The following SORL1 variants were observed in gnomAD, a reference collection of about 807,000 sequenced individuals.
SORL1 encodes sortilin related receptor 1.
Under a neutral mutation model 273.7 loss-of-function variants are expected in SORL1, and 127 were observed. That is an observed-to-expected ratio of 0.46 (90% CI 0.40 to 0.54). The LOEUF (loss-of-function observed/expected upper bound fraction) is 0.54, where lower values mean the gene tolerates loss of function less well. Ranked by LOEUF, SORL1 falls within the 20% of genes least tolerant of loss-of-function variation. SORL1 has a pLI of 0.00. For synonymous variants in SORL1, 1,031 were observed against 1,067.4 expected, an observed-to-expected ratio of 0.97 and a Z score of 0.66; for missense variants, 2,494 against 2,846.1, an observed-to-expected ratio of 0.88 and a Z score of 2.81.
At chr11:121,579,825 A>G (rs902352845) in intron 25 of SORL1, among the ~76,000 whole-genome samples, 4 of 152,162 alleles carry the variant, frequency 2.6e-5, no homozygotes, top group African/African-American at 4.8e-5. Flanking sequence ...CCTCCCACCA[A>G]TGTACATCCT....
At position 121,604,244 on chromosome 11, in the gene SORL1, G is replaced by T; in HGVS notation, c.4571G>T (p.Gly1524Val). The part of the protein sequence containing the change: ...CMSREFQCED[G>V]EACIVLSERC... Reference sequence around the variant, plus strand: ...AGCAGGGAGTTCCAGTGCGAGGACGGGGAGGCCTGCATTGTGCTCTCGGAG... The same window carrying T: ...AGCAGGGAGTTCCAGTGCGAGGACGTGGAGGCCTGCATTGTGCTCTCGGAG... The change falls in exon 33 of 48, where the codon GGG (glycine) becomes GTG (valine). Residue 1524 changes from glycine to valine, a missense_variant. By Grantham distance (109) the Gly-to-Val change is moderately radical (BLOSUM62 -3). This residue lies in a region of SORL1 where 1,609 missense variants were observed against 1,816.4 expected (regional missense o/e 0.89). Coordinates refer to ENST00000260197, the MANE Select transcript of SORL1 (RefSeq NM_003105.6). 1 of 1,614,130 alleles carries T rather than the reference G, an allele frequency of 6.2e-7. No individual in the cohort carries two copies. Among genetic ancestry groups the T allele is most frequent in the Non-Finnish European group, 8.5e-7 (1 of 1,180,024 alleles).
rs748144336 is a variant in SORL1 at position 121,571,633 on chromosome 11, G to A, written c.3337+1363G>A. On this transcript the variant is annotated intron_variant, in intron 23 of 47. Transcript: ENST00000260197. Reference sequence around the variant, plus strand: ...TAGATACTCATTTAGCCAGTCATCCGTGGGGCCTGTGCCCGGCTCCCCTGC... The same window carrying A: ...TAGATACTCATTTAGCCAGTCATCCATGGGGCCTGTGCCCGGCTCCCCTGC... Among the ~76,000 whole-genome samples the A allele has an allele frequency of 2.3e-4, 35 of 152,224 alleles. 1 individual carries two copies. Among genetic ancestry groups the A allele is most frequent in the East Asian group, 2.1e-3 (11 of 5,204 alleles).
intron 21 of SORL1, 132 bp from the exon 22 acceptor site, chr11:121,566,808 C>A: frequency 2.4e-6 from 2 of 820,430 alleles, no homozygotes; most frequent in Non-Finnish European, 3.7e-6. Context: ...CCAAAGCTTG[C>A]CACTTGACCC....
At chr11:121,532,835 C>T (rs1288047742) in intron 12 of SORL1, among the ~76,000 whole-genome samples, 2 of 152,000 alleles carry the variant, frequency 1.3e-5, no homozygotes, top group Admixed American at 1.3e-4. Flanking sequence ...AGGCACCTGC[C>T]ACCACGTCCG....
Position 121,452,449 on chromosome 11 carries a change from G to A in SORL1, c.118G>A (p.Ala40Thr). 1 of 1,510,166 alleles carries A rather than the reference G, an allele frequency of 6.6e-7. No individual in the cohort carries two copies. The highest frequency in any genetic ancestry group is 8.8e-7 in the Non-Finnish European group (1 of 1,131,132). 93.5% of individuals were successfully genotyped at this position (1,510,166 alleles called of 1,614,324 possible). ...VWTQRLHGGS[A>T]PLPQDRGFLV... ...GACGCAGAGGCTGCACGGCGGCAGCGCGCCCTTGCCCCAGGACCGGGGCTT... is the reference window on the plus strand; with the variant it reads ...GACGCAGAGGCTGCACGGCGGCAGCACGCCCTTGCCCCAGGACCGGGGCTT... Residue 40 changes from alanine (A) to threonine (T), a missense_variant, in exon 1 of 48, where the codon GCG becomes ACG. By Grantham distance (58) the Ala-to-Thr change is moderately conservative (BLOSUM62 0). This residue lies in a region of SORL1 where 175 missense variants were observed against 147.1 expected (regional missense o/e 1.19). Transcript: ENST00000260197. This position sits in a 1 kb window ranked among gnomAD's most constrained non-coding sequence, Gnocchi z 5.3.
At chr11:121,460,871 G>A (rs576341269) in intron 1 of SORL1, among the ~76,000 whole-genome samples, 6 of 152,260 alleles carry the variant, frequency 3.9e-5, no homozygotes, top group African/African-American at 1.4e-4. Context: ...TAAGGTCCCA[G>A]ATAGTTAAGG....
At chr11:121,570,788 C>T (rs1362243837) in intron 23 of SORL1, among the ~76,000 whole-genome samples, 2 of 152,206 alleles carry the variant, frequency 1.3e-5, no homozygotes, top group Admixed American at 6.5e-5. Flanking sequence ...CATTGGTGTA[C>T]ATGCCATGTA....
chr11:121,559,775 A>T (rs1420877545), intron 21 of SORL1, 118 bp downstream of exon 21: 15 of 801,316 alleles, frequency 1.9e-5, no homozygotes, highest in Non-Finnish European at 2.8e-5. Flanking sequence ...TCACGACAAC[A>T]TGCACATTAT....
chr11:121,516,473 C>T (rs189784203), intron 8 of SORL1, among the ~76,000 whole-genome samples: 285 of 152,210 alleles, frequency 1.9e-3, no homozygotes, highest in Admixed American at 4.4e-3. Context: ...GGGGAGATCA[C>T]CAGCTTGGTT....
rs545461189 is a variant in SORL1 at position 121,565,781 on chromosome 11, G to A, written c.3050-1159G>A. Among the ~76,000 whole-genome samples, 46 of 152,294 alleles carry A rather than the reference G, an allele frequency of 3.0e-4. No homozygotes were observed. In the South Asian group the frequency reaches 4.4e-3, roughly 14 times the overall value. On this transcript the variant is annotated intron_variant, in intron 21 of 47. Transcript: ENST00000260197. ...CCTGCCATCCCCGGAACGATGTAGG[G>A]GATAGGATGGCACTTTTGCCATCCT... is the stretch of plus-strand genomic sequence containing the variant.
intron 18 of SORL1, among the ~76,000 whole-genome samples, chr11:121,556,431 C>T (rs367620376): frequency 6.6e-6 from 1 of 152,122 alleles, no homozygotes; most frequent in East Asian, 1.9e-4. Flanking sequence ...CTTTTGTCCA[C>T]CTCCTGGGGA....
intron 11 of SORL1, among the ~76,000 whole-genome samples, chr11:121,528,563 TCA>T (rs1862157312): frequency 6.6e-6 from 1 of 152,268 alleles, no homozygotes; most frequent in East Asian, 1.9e-4. Flanking sequence ...TCAGTCATCA[TCA>T]TTATCTGATT....
chr11:121,483,845 G>GA (rs1296908914), intron 3 of SORL1, among the ~76,000 whole-genome samples: 4 of 152,142 alleles, frequency 2.6e-5, no homozygotes, highest in African/African-American at 9.7e-5. Flanking sequence ...AGAGCTAGGG[G>GA]AATCAAATGA....
At chr11:121,552,267 G>A (rs537422765) in intron 16 of SORL1, among the ~76,000 whole-genome samples, 2 of 152,314 alleles carry the variant, frequency 1.3e-5, no homozygotes, top group African/African-American at 4.8e-5. Context: ...TTTTTTAAAT[G>A]CAAGAATTTT....
intron 29 of SORL1, 35 bp downstream of exon 29, chr11:121,589,425 C>T (rs755888773): frequency 6.2e-7 from 1 of 1,610,078 alleles, no homozygotes; most frequent in South Asian, 1.1e-5. Flanking sequence ...ACATCCTAAT[C>T]CTCTAGTTAA....
Position 121,605,369 on chromosome 11 carries a change from G to A in SORL1, c.4779-33G>A, listed in dbSNP as rs747970231. On this transcript the variant is annotated intron_variant, in intron 34 of 47. Coordinates refer to ENST00000260197, the MANE Select transcript of SORL1 (RefSeq NM_003105.6). ...CATCTCAGCCCCCCATGCTGCTCCAGTGTGACAATATCTTTATTTTTTTTT... is the reference window on the plus strand; with the variant it reads ...CATCTCAGCCCCCCATGCTGCTCCAATGTGACAATATCTTTATTTTTTTTT... The A allele has an allele frequency of 1.4e-5, 23 of 1,599,340 alleles. No individual in the cohort carries two copies. In the East Asian group the frequency reaches 3.1e-4, roughly 22 times the overall value.
At chr11:121,544,647 A>G (rs1451891441) in intron 13 of SORL1, among the ~76,000 whole-genome samples, 2 of 152,240 alleles carry the variant, frequency 1.3e-5, no homozygotes, top group Non-Finnish European at 2.9e-5. Context: ...TAAGAGACAC[A>G]AAGTGCCAAC....
At chr11:121,622,292 T>G (rs1614735) in intron 45 of SORL1, 24 bp downstream of exon 45, 629,387 of 1,372,548 alleles carry the variant, frequency 0.46, 153,593 homozygotes, top group Non-Finnish European at 0.51. Context: ...TCATTCTCAA[T>G]GACTTTGGAA....
At chr11:121,576,947 G>A (rs1862939697) in intron 24 of SORL1, 1 of 1,531,194 alleles carries the variant, frequency 6.5e-7, no homozygotes, top group Admixed American at 2.0e-5. Flanking sequence ...CTCTATCACT[G>A]CTTCCTAACC....
Sources: allele counts gnomAD v4.1 joint callset (sites outside exome capture counted in the v4.1 genomes callset), GRCh38; gene constraint gnomAD v4.1.1; regional missense constraint gnomAD v4.1.1; non-coding constraint Gnocchi (gnomAD v3.1); transcripts MANE v1.5; gene names NCBI Gene and HGNC (gene_info 2026-07-23, HGNC 2026-07-21).